The following DMD variants were observed in gnomAD, a reference collection of about 807,000 sequenced individuals.
DMD encodes the protein mutant dystrophin.
A neutral mutation model predicts 330.1 loss-of-function variants in DMD; 63 were observed. The ratio of observed to expected loss-of-function variants is 0.19; its 90% confidence interval spans 0.16 to 0.24. DMD has a LOEUF of 0.24. Among genes scored for constraint, DMD ranks in the 10% least tolerant of loss-of-function variants. The probability of loss-of-function intolerance (pLI) is 1.00; values close to 1 mark genes in which losing one functional copy is unlikely to be tolerated. For missense variants in DMD, 3,344 were observed against 2,684.1 expected (o/e 1.25, Z -5.43); for synonymous variants, 1,223 against 959.8 (o/e 1.27, Z -5.07).
rs776726994 is a variant in DMD, at chrX:31,917,389, C to A, written c.6912+12207G>T. 7.2e-5 allele frequency among the ~76,000 whole-genome samples: 8 copies of A among 111,843 alleles called. No individual in the cohort carries two copies. The East Asian group carries it at 2.3e-3, about 31-fold the overall frequency. ...CATGATCCAACATCTAAATAAAGACCCCAAGCACTTCTAATATTAAACTCA... is the reference window on the plus strand; with the variant it reads ...CATGATCCAACATCTAAATAAAGACACCAAGCACTTCTAATATTAAACTCA... On this transcript the variant is annotated intron_variant, in intron 47 of 78. Transcript: ENST00000357033.
chrX:32,491,127 T>C (rs1326492119), intron 20 of DMD, 150 bp downstream of exon 20: 5 of 703,576 alleles, frequency 7.1e-6, no homozygotes, highest in Non-Finnish European at 1.1e-5. Context: ...TAAACAGATT[T>C]CTGTTGCTTA....
intron 5 of DMD, among the ~76,000 whole-genome samples, chrX:32,818,344 G>A (rs2077929881): frequency 9.0e-6 from 1 of 111,560 alleles, no homozygotes. Context: ...CAGCCTCGCT[G>A]TTATTGCTTC....
At chrX:32,084,572 TTAA>T (rs2096417024) in intron 44 of DMD, among the ~76,000 whole-genome samples, 1 of 111,945 alleles carries the variant, frequency 8.9e-6, no homozygotes, top group African/African-American at 3.3e-5. Context: ...GGGATAAAAC[TTAA>T]TAAACACAAG....
chrX:32,666,062 C>T (rs2061281255), intron 9 of DMD, among the ~76,000 whole-genome samples: 1 of 110,641 alleles, frequency 9.0e-6, no homozygotes, highest in African/African-American at 3.3e-5. Context: ...CTGAGGACTT[C>T]AACAAAACAG....
intron 47 of DMD, among the ~76,000 whole-genome samples, chrX:31,922,525 T>TGC (rs1557004122): frequency 3.4e-4 from 36 of 106,399 alleles, no homozygotes; most frequent in Middle Eastern, 9.6e-3. Context: ...TGTGTGTGTG[T>TGC]GCGCGCGCGT....
intron 45 of DMD, among the ~76,000 whole-genome samples, chrX:31,960,576 C>T (rs5972466): frequency 0.076 from 8,454 of 110,841 alleles, 352 homozygotes; most frequent in South Asian, 0.21. Context: ...CCAGAGATCA[C>T]GTTCCCTAAC....
intron 45 of DMD, among the ~76,000 whole-genome samples, chrX:31,957,303 C>T (rs1033407459): frequency 1.5e-4 from 17 of 111,945 alleles, no homozygotes; most frequent in Admixed American, 1.3e-3. Context: ...TTCTGTTATT[C>T]ACAGCTATGA....
intron 44 of DMD, chrX:32,205,820 C>A (rs577344442): frequency 4.2e-6 from 1 of 237,953 alleles, no homozygotes; most frequent in Non-Finnish European, 7.7e-6. Flanking sequence ...TTCTGTCCTG[C>A]ACAGCTGTTC....
At chrX:32,266,546 T>C (rs1293227808) in intron 43 of DMD, among the ~76,000 whole-genome samples, 1 of 112,234 alleles carries the variant, frequency 8.9e-6, no homozygotes, top group African/African-American at 3.2e-5. Context: ...TTCTGTACAC[T>C]TGCAGTATTT....
At chrX:33,335,797 G>C (rs2054244113) in intron 1 of DMD, among the ~76,000 whole-genome samples, 1 of 110,893 alleles carries the variant, frequency 9.0e-6, no homozygotes, top group African/African-American at 3.3e-5. Context: ...CCCTCTTCCT[G>C]GTTTACTGTG....
At chrX:31,505,796 G>C (rs1457019030) in intron 56 of DMD, among the ~76,000 whole-genome samples, 1 of 110,777 alleles carries the variant, frequency 9.0e-6, no homozygotes, top group Admixed American at 9.6e-5. Flanking sequence ...ACCATGCCCA[G>C]CTAATTTTTG....
chrX:31,792,962 T>G (rs1038193844), intron 50 of DMD, among the ~76,000 whole-genome samples: 2 of 111,221 alleles, frequency 1.8e-5, no homozygotes, highest in African/African-American at 6.5e-5. Context: ...TGAGGTCACA[T>G]GAACAAATTG....
intron 4 of DMD, among the ~76,000 whole-genome samples, chrX:32,835,041 C>T (rs777892195): frequency 2.7e-5 from 3 of 111,043 alleles, no homozygotes; most frequent in Non-Finnish European, 3.8e-5. Flanking sequence ...CTTTACCAGA[C>T]AAAAAATTAA....
At chrX:32,915,500 G>C (rs1221293142) in intron 2 of DMD, among the ~76,000 whole-genome samples, 3 of 111,551 alleles carry the variant, frequency 2.7e-5, no homozygotes, top group African/African-American at 9.8e-5. Flanking sequence ...TTCAGAGATT[G>C]TATATTTGCT....
intron 1 of DMD, among the ~76,000 whole-genome samples, chrX:33,201,762 A>C (rs1374087968): frequency 2.7e-5 from 3 of 112,560 alleles, no homozygotes; most frequent in Non-Finnish European, 5.6e-5. Flanking sequence ...ATTTTTTTAC[A>C]ATACTAAATC....
At chrX:33,130,690 G>A (rs1417034988) in intron 1 of DMD, among the ~76,000 whole-genome samples, 1 of 109,828 alleles carries the variant, frequency 9.1e-6, no homozygotes, top group Admixed American at 9.8e-5. Context: ...GAGCAGCTGG[G>A]ACTACCATGC....
chrX:32,421,399 T>C (rs1252394988), intron 29 of DMD, among the ~76,000 whole-genome samples: 1 of 110,797 alleles, frequency 9.0e-6, no homozygotes, highest in Non-Finnish European at 1.9e-5. Context: ...TTCATTTGGA[T>C]GGGATGTGCA....
intron 44 of DMD, among the ~76,000 whole-genome samples, chrX:32,032,205 G>A (rs919749293): frequency 2.7e-5 from 3 of 111,286 alleles, no homozygotes; most frequent in African/African-American, 9.8e-5. Flanking sequence ...CTTCATAAGT[G>A]ATATGATTTT....
At chrX:32,100,702 C>T (rs1285342549) in intron 44 of DMD, among the ~76,000 whole-genome samples, 2 of 111,111 alleles carry the variant, frequency 1.8e-5, no homozygotes, top group African/African-American at 3.3e-5. Context: ...GCATCCCGTG[C>T]ATCCGTCAAA....
Sources: gnomAD v4.1 joint callset for allele counts (sites outside exome capture counted in the v4.1 genomes callset) on GRCh38, gnomAD v4.1.1 for gene constraint, MANE v1.5 for transcripts, NCBI Gene and HGNC (gene_info 2026-07-23, HGNC 2026-07-21) for gene names.